DLG2: variants seen among roughly 807,000 people sequenced by gnomAD.
DLG2 encodes the protein discs large MAGUK scaffold protein 2.
In DLG2, 45 loss-of-function variants were observed where a neutral mutation model predicts 132.5. That is an observed-to-expected ratio of 0.34 (90% CI 0.27 to 0.44). The LOEUF (loss-of-function observed/expected upper bound fraction) is 0.44. DLG2 is among the 20% of genes least tolerant of loss of function. The pLI, the probability that DLG2 is intolerant of heterozygous loss-of-function variation, is 1.00. For missense variants in DLG2, 1,045 were observed against 1,196.9 expected (o/e 0.87, Z 1.87); for synonymous variants, 424 against 419.6 (o/e 1.01, Z -0.13).
chr11:84,652,222 G>C (rs1486533105), intron 6 of DLG2, among the ~76,000 whole-genome samples: 1 of 152,122 alleles, frequency 6.6e-6, no homozygotes, highest in African/African-American at 2.4e-5. Context: ...AACTAAGTTA[G>C]ACATTTGTGT....
intron 4 of DLG2, among the ~76,000 whole-genome samples, chr11:85,274,528 G>A (rs2077763140): frequency 6.6e-6 from 1 of 152,026 alleles, no homozygotes; most frequent in Non-Finnish European, 1.5e-5. Flanking sequence ...TTACAGTAAA[G>A]AAGTATCATA....
intron 6 of DLG2, among the ~76,000 whole-genome samples, chr11:84,668,654 C>T (rs1209148741): frequency 2.0e-5 from 3 of 152,214 alleles, no homozygotes; most frequent in Non-Finnish European, 2.9e-5. Flanking sequence ...TTCCTTCATC[C>T]CTCGTGGTTT....
intron 6 of DLG2, among the ~76,000 whole-genome samples, chr11:84,784,707 C>T (rs2072552734): frequency 1.3e-5 from 2 of 151,954 alleles, no homozygotes; most frequent in Non-Finnish European, 2.9e-5. Context: ...GAAGATTCAA[C>T]ATTTCTTGGT....
At chr11:85,021,219 T>G in intron 6 of DLG2, 1 of 1,248,308 alleles carries the variant, frequency 8.0e-7, no homozygotes, top group East Asian at 2.3e-5. Context: ...CACACTGACG[T>G]TTCGAGGGCA....
chr11:84,904,173 G>C lies in DLG2; in HGVS notation c.357+207488C>G, dbSNP rs144068899. Reference sequence around the variant, plus strand: ...TAGAAATCTTCTAGCAGAGCAACTAGACCCATACGCACCAAGTCTTAAAAT... The same window carrying C: ...TAGAAATCTTCTAGCAGAGCAACTACACCCATACGCACCAAGTCTTAAAAT... On this transcript the variant is annotated intron_variant, in intron 6 of 27. Transcript: ENST00000376104. 2.2e-3 allele frequency among the ~76,000 whole-genome samples: 333 copies of C among 152,178 alleles called. 2 individuals carry two copies. The highest frequency in any genetic ancestry group is 7.7e-3 in the African/African-American group (321 of 41,518).
chr11:84,001,716 A>C (rs1186659043), intron 11 of DLG2, among the ~76,000 whole-genome samples: 1 of 152,170 alleles, frequency 6.6e-6, no homozygotes, highest in Non-Finnish European at 1.5e-5. Flanking sequence ...TCAACAACTT[A>C]AAAAATCAAA....
intron 6 of DLG2, among the ~76,000 whole-genome samples, chr11:84,613,641 T>C (rs1279020166): frequency 1.3e-5 from 2 of 152,232 alleles, no homozygotes; most frequent in Non-Finnish European, 2.9e-5. Context: ...TTGTTGCTTT[T>C]ACTAAATACC....
chr11:84,615,560 G>C (rs555806533), intron 6 of DLG2, among the ~76,000 whole-genome samples: 2 of 151,996 alleles, frequency 1.3e-5, no homozygotes, highest in African/African-American at 4.8e-5. Context: ...ATTGGACACA[G>C]TCCTTAGCTA....
intron 3 of DLG2, among the ~76,000 whole-genome samples, chr11:85,521,181 T>A (rs940501290): frequency 6.6e-6 from 1 of 152,214 alleles, no homozygotes; most frequent in Non-Finnish European, 1.5e-5. Flanking sequence ...CCCCATGTGT[T>A]GGGTGAGGGA....
intron 7 of DLG2, among the ~76,000 whole-genome samples, chr11:84,380,654 C>A (rs1019857272): frequency 6.6e-6 from 1 of 151,576 alleles, no homozygotes; most frequent in Non-Finnish European, 1.5e-5. Flanking sequence ...TAAGCAAAGT[C>A]TCCAAAGTAA....
intron 7 of DLG2, among the ~76,000 whole-genome samples, chr11:84,449,166 T>C (rs895975755): frequency 9.2e-5 from 14 of 152,074 alleles, no homozygotes; most frequent in African/African-American, 3.4e-4. Context: ...TTTTTTTACT[T>C]TGTAATTCCT....
intron 4 of DLG2, among the ~76,000 whole-genome samples, chr11:85,180,268 T>C (rs1387027791): frequency 1.3e-5 from 2 of 151,884 alleles, no homozygotes; most frequent in African/African-American, 4.8e-5. Flanking sequence ...TTCTGAATCT[T>C]GTGATAATAG....
intron 9 of DLG2, among the ~76,000 whole-genome samples, chr11:84,147,967 A>T (rs1008076364): frequency 2.6e-5 from 4 of 151,394 alleles, no homozygotes; most frequent in Admixed American, 1.3e-4. Context: ...TTTTATTTTT[A>T]TTTTTTTTAC....
In DLG2 at chr11:83,576,508, G is replaced by GA. The variant is rs553325854; in HGVS notation, c.1941-34651dup. Among the ~76,000 whole-genome samples, 270 of 151,984 alleles carry GA rather than the reference G, an allele frequency of 1.8e-3. 1 individual carries two copies. Among genetic ancestry groups the GA allele is most frequent in the Middle Eastern group, 6.9e-3 (2 of 290 alleles). On this transcript the variant is annotated intron_variant, in intron 19 of 27. Coordinates refer to ENST00000376104, the MANE Select transcript of DLG2 (RefSeq NM_001142699.3). Reference sequence around the variant, plus strand: ...AACAGCTTAGTAGCACTAATAAAAAGAAAAAATTTATTTATGCCAGGAAAA... The same window carrying GA: ...AACAGCTTAGTAGCACTAATAAAAAGAAAAAAATTTATTTATGCCAGGAAAA...
intron 17 of DLG2, among the ~76,000 whole-genome samples, chr11:83,809,811 A>C (rs1036455626): frequency 1.3e-5 from 2 of 152,178 alleles, no homozygotes; most frequent in African/African-American, 4.8e-5. Context: ...TTGAAGAAGC[A>C]CTAAGGGGAA....
At chr11:84,738,979 T>A (rs1372575225) in intron 6 of DLG2, among the ~76,000 whole-genome samples, 3 of 152,032 alleles carry the variant, frequency 2.0e-5, no homozygotes, top group Non-Finnish European at 4.4e-5. Context: ...TGGAAATATA[T>A]AAAATAAAAA....
At chr11:84,916,377 A>AAAAG (rs2092469360) in intron 6 of DLG2, among the ~76,000 whole-genome samples, 1 of 148,618 alleles carries the variant, frequency 6.7e-6, no homozygotes, top group African/African-American at 2.5e-5. Context: ...AAAAAAAAAA[A>AAAAG]AAGAAGCAGT....
At chr11:85,412,393 G>A (rs2089392009) in intron 3 of DLG2, among the ~76,000 whole-genome samples, 1 of 151,628 alleles carries the variant, frequency 6.6e-6, no homozygotes, top group Non-Finnish European at 1.5e-5. Context: ...TTTTCCCATA[G>A]GTTATTGGGG....
intron 19 of DLG2, among the ~76,000 whole-genome samples, chr11:83,628,621 A>G (rs58029883): frequency 0.092 from 14,039 of 152,228 alleles, 2,090 homozygotes; most frequent in African/African-American, 0.32. Context: ...TGGTTGACCC[A>G]TAGAAAATGT....
Sources: gnomAD v4.1 joint callset for allele counts (sites outside exome capture counted in the v4.1 genomes callset) on GRCh38, gnomAD v4.1.1 for gene constraint, MANE v1.5 for transcripts, NCBI Gene and HGNC (gene_info 2026-07-23, HGNC 2026-07-21) for gene names.